Variants in NPIPB11 observed in about 807,000 individuals in gnomAD.
NPIPB11 encodes nuclear pore complex interacting protein family member B11, also known as nuclear pore complex-interacting protein family member B11.
A neutral mutation model predicts 32.8 loss-of-function variants in NPIPB11; 17 were observed. The observed-to-expected ratio is 0.52, with a 90% confidence interval of 0.35 to 0.78. The LOEUF is 0.78. Among genes scored for constraint, NPIPB11 ranks in the 30% least tolerant of loss-of-function variants. The pLI is 0.01. For synonymous variants in NPIPB11, 209 were observed against 398.4 expected (o/e 0.52, Z 5.66); for missense variants, 537 against 1,000.4 (o/e 0.54, Z 6.25).
At chr16:29,390,398 T>G (rs1567271756) in intron 3 of NPIPB11, 50 bp from the exon 4 acceptor site, 1 of 1,592,210 alleles carries the variant, frequency 6.3e-7, no homozygotes, top group South Asian at 1.1e-5. Flanking sequence ...GGCTCATGCG[T>G]ATAATCCCAG....
chr16:29,382,328 A>C, exon 8 of NPIPB11: 1 of 1,543,700 alleles, frequency 6.5e-7, no homozygotes, highest in Non-Finnish European at 8.6e-7. Context: ...TCATCTGCTG[A>C]GGGTGGAGCT....
chr16:29,400,751 C>A (rs1337022197), intron 2 of NPIPB11, among the ~76,000 whole-genome samples: 2 of 152,116 alleles, frequency 1.3e-5, no homozygotes, highest in Non-Finnish European at 2.9e-5. Context: ...GGTCCATCTT[C>A]AGTGGCATTG....
At chr16:29,389,024 G>A (rs1048175864) in intron 5 of NPIPB11, among the ~76,000 whole-genome samples, 2 of 149,602 alleles carry the variant, frequency 1.3e-5, no homozygotes, top group Non-Finnish European at 3.0e-5. Flanking sequence ...GTGAAACCCC[G>A]CCTCTACTAA....
intron 2 of NPIPB11, among the ~76,000 whole-genome samples, chr16:29,401,912 C>A (rs755043189): frequency 1.8e-4 from 27 of 150,740 alleles, no homozygotes; most frequent in South Asian, 1.3e-3. Flanking sequence ...ACATTTCCAC[C>A]GTTTGGGGCT....
intron 3 of NPIPB11, 38 bp from the exon 4 acceptor site, chr16:29,390,386 G>T (rs1201739456): frequency 1.3e-6 from 2 of 1,584,214 alleles, no homozygotes; most frequent in Middle Eastern, 2.3e-4. Context: ...GCTGGGCACG[G>T]TGGCTCATGC....
chr16:29,395,837 GC>G lies in NPIPB11; in HGVS notation c.121-1762del, dbSNP rs1389323532. Among the ~76,000 whole-genome samples, 5 of 150,904 alleles carry G rather than the reference GC, an allele frequency of 3.3e-5. No individual in the cohort carries two copies. The East Asian group carries it at 9.8e-4, about 29-fold the overall frequency. ...ACTAAAAATACAAAAAATTAGCAGG[GC>G]ATGGTGGCACGCGCCTATAGTTCCA... On this transcript the variant is annotated intron_variant, in intron 2 of 7. Transcript: ENST00000524087.
At chr16:29,393,578 C>A (rs1453429862) in intron 3 of NPIPB11, among the ~76,000 whole-genome samples, 2 of 151,118 alleles carry the variant, frequency 1.3e-5, no homozygotes. Context: ...TGCAGTGAAT[C>A]TTCAGAGAGG....
At chr16:29,393,256 G>C (rs1034255223) in intron 3 of NPIPB11, among the ~76,000 whole-genome samples, 1 of 151,438 alleles carries the variant, frequency 6.6e-6, no homozygotes, top group Non-Finnish European at 1.5e-5. Flanking sequence ...GGCTTTCTCT[G>C]CATCATGAGA....
chr16:29,382,077 G>C, exon 8 of NPIPB11: 1 of 502,316 alleles, frequency 2.0e-6, no homozygotes, highest in Non-Finnish European at 3.1e-6. Flanking sequence ...TGGAGCTGAG[G>C]GTGGAAGGGG....
intron 3 of NPIPB11, among the ~76,000 whole-genome samples, chr16:29,391,896 T>A (rs1176262591): frequency 3.9e-5 from 6 of 152,032 alleles, no homozygotes; most frequent in East Asian, 1.9e-4. Flanking sequence ...AATTTTTGTC[T>A]TTTTAGTAGA....
At chr16:29,382,401 T>C in exon 8 of NPIPB11, 7 of 380,912 alleles carry the variant, frequency 1.8e-5, no homozygotes, top group South Asian at 1.4e-4. Flanking sequence ...CGGCTGAGGG[T>C]GGAAGCGGCC....
At chr16:29,382,253 C>G (rs3209299) in exon 8 of NPIPB11, 61 of 1,594,062 alleles carry the variant, frequency 3.8e-5, no homozygotes, top group African/African-American at 1.9e-4. Flanking sequence ...GATTATCATC[C>G]GCTGAGGGTG....
rs1317623217 is a variant in NPIPB11, at chr16:29,389,918, A to G, written c.545+23T>C. 18 of 1,584,950 alleles carry G rather than the reference A, an allele frequency of 1.1e-5. 1 individual carries two copies. Among genetic ancestry groups the G allele is most frequent in the African/African-American group, 6.8e-5 (5 of 73,588 alleles). ...ATTGGCACATGGTTCCTACAACAGT[A>G]TTTGTGTCAAGGCACATCTTACTGT... is the stretch of plus-strand genomic sequence containing the variant. On this transcript the variant is annotated intron_variant, in intron 5 of 7. Transcript: ENST00000524087.
At chr16:29,391,050 C>G (rs1488383936) in intron 3 of NPIPB11, among the ~76,000 whole-genome samples, 3 of 150,476 alleles carry the variant, frequency 2.0e-5, no homozygotes, top group Non-Finnish European at 2.9e-5. Context: ...GGGTGAATCA[C>G]AAGGTCAAGA....
At chr16:29,405,377 T>G (rs1376330958), upstream of NPIPB11, among the ~76,000 whole-genome samples, 1 of 152,116 alleles carries the variant, frequency 6.6e-6, no homozygotes, top group Non-Finnish European at 1.5e-5. Context: ...ATTCATGGTC[T>G]TGGGGACACA....
chr16:29,394,318 G>A (rs1963796261), intron 2 of NPIPB11, among the ~76,000 whole-genome samples: 1 of 151,808 alleles, frequency 6.6e-6, no homozygotes, highest in South Asian at 2.1e-4. Flanking sequence ...TATAAAGCAG[G>A]GATATCCAAT....
chr16:29,406,392 C>T (rs1305667563), upstream of NPIPB11, among the ~76,000 whole-genome samples: 2 of 152,214 alleles, frequency 1.3e-5, no homozygotes, highest in Non-Finnish European at 2.9e-5. Context: ...GATAGTTATG[C>T]TAAATGTTTG....
rs375622841 is a variant in NPIPB11, at chr16:29,383,753, A to C, written c.1179T>G (p.Ser393=). Residue 393 remains serine (S), a synonymous_variant, in exon 8 of 8, where the codon TCT becomes TCG. Coordinates refer to ENST00000524087, the Ensembl canonical transcript of NPIPB11. ...GTGGAAGGGGAGTGAGCTGACGCTC[A>C]GAAGGTGTCTTGAGATTATCATCCG... 1.2e-5 allele frequency: 8 copies of C among 645,288 alleles called. No individual in the cohort carries two copies. In the East Asian group the frequency reaches 2.7e-4, roughly 22 times the overall value. 40.0% of individuals were successfully genotyped at this position (645,288 alleles called of 1,614,324 possible).
chr16:29,405,531 G>A (rs1474966527), upstream of NPIPB11, among the ~76,000 whole-genome samples: 3 of 152,118 alleles, frequency 2.0e-5, no homozygotes, highest in African/African-American at 7.2e-5. Flanking sequence ...AAACCTGCTA[G>A]CAAGCTTGCA....
Sources: gnomAD v4.1 joint callset for allele counts (sites outside exome capture counted in the v4.1 genomes callset) on GRCh38, gnomAD v4.1.1 for gene constraint, MANE v1.5 for transcripts, NCBI Gene and HGNC (gene_info 2026-07-23, HGNC 2026-07-21) for gene names.